The following PTPRK variants were observed in gnomAD, a reference collection of about 807,000 sequenced individuals.
The protein encoded by PTPRK is receptor-type tyrosine-protein phosphatase kappa.
PTPRK carries 75 observed loss-of-function variants against 178.0 expected under a neutral mutation model. The observed-to-expected ratio is 0.42, with a 90% CI of 0.35 to 0.51. The LOEUF (loss-of-function observed/expected upper bound fraction) is 0.51, where lower values mean the gene tolerates loss of function less well. PTPRK is among the 20% of genes least tolerant of loss of function. The probability of loss-of-function intolerance (pLI) is 0.02; values close to 1 mark genes in which losing one functional copy is unlikely to be tolerated. For missense variants in PTPRK, 1,441 were observed against 1,797.8 expected (o/e 0.80, Z 3.59); for synonymous variants, 637 against 620.6 (o/e 1.03, Z -0.39).
chr6:128,305,502 T>C (rs773067445), intron 3 of PTPRK, among the ~76,000 whole-genome samples: 7 of 152,166 alleles, frequency 4.6e-5, no homozygotes, highest in Non-Finnish European at 7.4e-5. Context: ...TAGCATTACT[T>C]TTCTCTGGCT....
intron 7 of PTPRK, among the ~76,000 whole-genome samples, chr6:128,163,860 C>T (rs148242234): frequency 6.6e-6 from 1 of 151,472 alleles, no homozygotes; most frequent in Non-Finnish European, 1.5e-5. Context: ...GTCATTGTTG[C>T]TACTAACACT....
intron 1 of PTPRK, among the ~76,000 whole-genome samples, chr6:128,428,015 C>T (rs909949028): frequency 6.6e-6 from 1 of 152,076 alleles, no homozygotes; most frequent in Non-Finnish European, 1.5e-5. Context: ...ATCACTTGAA[C>T]CCGGGAGGCG....
chr6:128,316,322 A>C (rs1238635045), intron 3 of PTPRK, among the ~76,000 whole-genome samples: 5 of 152,214 alleles, frequency 3.3e-5, no homozygotes, highest in Non-Finnish European at 5.9e-5. Flanking sequence ...CTCCTAAGTA[A>C]GAAAAAATCA....
chr6:128,252,384 A>G (rs562360386), intron 3 of PTPRK, among the ~76,000 whole-genome samples: 2 of 152,356 alleles, frequency 1.3e-5, no homozygotes, highest in African/African-American at 4.8e-5. Flanking sequence ...TTGCACTTGT[A>G]AACGATTATC....
chr6:128,279,107 T>A (rs151092932), intron 3 of PTPRK, among the ~76,000 whole-genome samples: 1 of 151,864 alleles, frequency 6.6e-6, no homozygotes, highest in Admixed American at 6.6e-5. Context: ...TAAGCACTTA[T>A]GTAGAGGCTC....
intron 7 of PTPRK, among the ~76,000 whole-genome samples, chr6:128,107,684 T>C (rs1789946267): frequency 6.6e-6 from 1 of 152,180 alleles, no homozygotes; most frequent in African/African-American, 2.4e-5. Flanking sequence ...TCATCAAACT[T>C]CTTTTAAAAA....
At chr6:127,980,381 A>C (rs1162486563) in intron 25 of PTPRK, among the ~76,000 whole-genome samples, 1 of 152,006 alleles carries the variant, frequency 6.6e-6, no homozygotes, top group Non-Finnish European at 1.5e-5. Flanking sequence ...ATTCCAAGTT[A>C]CTCAAGAGTC....
intron 3 of PTPRK, among the ~76,000 whole-genome samples, chr6:128,271,411 C>A (rs576724597): frequency 3.3e-5 from 5 of 152,232 alleles, no homozygotes; most frequent in African/African-American, 1.2e-4. Context: ...GAAAGCACTG[C>A]AGGGAGGTTG....
intron 13 of PTPRK, among the ~76,000 whole-genome samples, chr6:128,028,331 G>A (rs1562460820): frequency 6.6e-6 from 1 of 152,160 alleles, no homozygotes; most frequent in Non-Finnish European, 1.5e-5. Context: ...CACCTTTTAA[G>A]GTTACCACAC....
chr6:128,079,239 G>A (rs1784377966), intron 10 of PTPRK, among the ~76,000 whole-genome samples: 1 of 151,950 alleles, frequency 6.6e-6, no homozygotes, highest in Non-Finnish European at 1.5e-5. Flanking sequence ...GGGAGGGAAG[G>A]TAGTAACTGA....
intron 5 of PTPRK, among the ~76,000 whole-genome samples, chr6:128,220,084 A>G (rs1215641397): frequency 6.6e-6 from 1 of 152,224 alleles, no homozygotes; most frequent in Non-Finnish European, 1.5e-5. Flanking sequence ...AGTAATAAGT[A>G]TAAACTAATA....
chr6:128,321,719 G>C, intron 3 of PTPRK: 1 of 678,848 alleles, frequency 1.5e-6, no homozygotes, highest in Non-Finnish European at 2.6e-6. Context: ...CTGTCAATAA[G>C]TAGCTCTTTG....
intron 1 of PTPRK, among the ~76,000 whole-genome samples, chr6:128,453,110 A>G (rs1433439313): frequency 6.6e-6 from 1 of 152,220 alleles, no homozygotes; most frequent in African/African-American, 2.4e-5. Flanking sequence ...TGCTAGCTAT[A>G]TTGGTCTAAT....
At chr6:128,422,225 G>A (rs1322386823) in intron 1 of PTPRK, among the ~76,000 whole-genome samples, 1 of 152,154 alleles carries the variant, frequency 6.6e-6, no homozygotes, top group African/African-American at 2.4e-5. Flanking sequence ...GCACATGCAT[G>A]GGTATATGTA....
At chr6:127,974,719 C>T (rs1774328435) in intron 27 of PTPRK, among the ~76,000 whole-genome samples, 1 of 152,164 alleles carries the variant, frequency 6.6e-6, no homozygotes, top group Non-Finnish European at 1.5e-5. Context: ...TACTCTTTCA[C>T]TGTAAAATGC....
At chr6:128,028,657 A>G (rs1296396392) in intron 13 of PTPRK, among the ~76,000 whole-genome samples, 1 of 152,230 alleles carries the variant, frequency 6.6e-6, no homozygotes, top group Non-Finnish European at 1.5e-5. Context: ...TACTTCAACT[A>G]TCAGGTTCTT....
chr6:128,166,504 A>T (rs1255138502), intron 7 of PTPRK, among the ~76,000 whole-genome samples: 1 of 151,732 alleles, frequency 6.6e-6, no homozygotes, highest in African/African-American at 2.4e-5. Flanking sequence ...TAATCGTATC[A>T]AATGCTGGAC....
Position 128,098,526 on chromosome 6 carries a change from T to C in PTPRK, c.1163-8534A>G, listed in dbSNP as rs959314035. On this transcript the variant is annotated intron_variant, in intron 7 of 29. Coordinates refer to ENST00000368226, the MANE Select transcript of PTPRK (RefSeq NM_002844.4). ...CCTATAGCCAGTCCATCAGTGGATA[T>C]GTAAGTCAGCCAAGATCATCAGAGG... is the stretch of plus-strand genomic sequence containing the variant. 2.6e-5 allele frequency among the ~76,000 whole-genome samples: 4 copies of C among 152,246 alleles called. No homozygotes were observed. The South Asian group carries it at 8.3e-4, about 32-fold the overall frequency.
chr6:128,309,019 A>T (rs986118443), intron 3 of PTPRK, among the ~76,000 whole-genome samples: 1 of 152,182 alleles, frequency 6.6e-6, no homozygotes, highest in African/African-American at 2.4e-5. Context: ...TTGGGCACTA[A>T]AAAATGATAG....
Sources: gnomAD v4.1 joint callset for allele counts (sites outside exome capture counted in the v4.1 genomes callset) on GRCh38, gnomAD v4.1.1 for gene constraint, MANE v1.5 for transcripts, NCBI Gene and HGNC (gene_info 2026-07-23, HGNC 2026-07-21) for gene names.